Variants in SOX5 observed in about 807,000 individuals in gnomAD.
The protein encoded by SOX5 is transcription factor SOX-5.
A neutral mutation model predicts 92.0 loss-of-function variants in SOX5; 9 were observed. The observed-to-expected ratio is 0.10, with a 90% CI of 0.06 to 0.17. The LOEUF is 0.17. Among genes scored for constraint, SOX5 ranks in the 10% least tolerant of loss-of-function variants. The pLI, the probability that SOX5 is intolerant of heterozygous loss-of-function variation, is 1.00. For synonymous variants in SOX5, 344 were observed against 336.3 expected, an observed-to-expected ratio of 1.02 and a Z score of -0.25; for missense variants, 642 against 944.5, an observed-to-expected ratio of 0.68 and a Z score of 4.20.
At chr12:23,792,780 G>A (rs1313600118) in intron 3 of SOX5, among the ~76,000 whole-genome samples, 2 of 151,926 alleles carry the variant, frequency 1.3e-5, no homozygotes, top group Non-Finnish European at 2.9e-5. Flanking sequence ...CATCTGTTGT[G>A]GTATCTGTCT....
At chr12:23,574,035 T>C (rs556477546) in intron 10 of SOX5, among the ~76,000 whole-genome samples, 4 of 151,652 alleles carry the variant, frequency 2.6e-5, no homozygotes, top group African/African-American at 9.7e-5. Flanking sequence ...ATCTATCTAT[T>C]AGTATCTAAT....
At chr12:24,354,842 A>G (rs561060218) in intron 2 of SOX5, among the ~76,000 whole-genome samples, 97 of 152,252 alleles carry the variant, frequency 6.4e-4, no homozygotes, top group African/African-American at 2.1e-3. Context: ...TTTAATGATT[A>G]AATTTGTGCG....
intron 4 of SOX5, among the ~76,000 whole-genome samples, chr12:24,157,082 T>A (rs1314901684): frequency 6.6e-6 from 1 of 152,146 alleles, no homozygotes; most frequent in Non-Finnish European, 1.5e-5. Flanking sequence ...TTATCTTCAG[T>A]GTTTTCTTTC....
chr12:24,401,568 TGCATGGTG>T, intron 1 of SOX5, among the ~76,000 whole-genome samples: 1 of 151,282 alleles, frequency 6.6e-6, no homozygotes, highest in East Asian at 1.9e-4. Context: ...AAATTAACCT[TGCATGGTG>T]GCATATGCCT....
At chr12:24,519,132 C>T (rs573380846) in intron 1 of SOX5, among the ~76,000 whole-genome samples, 1 of 152,076 alleles carries the variant, frequency 6.6e-6, no homozygotes, top group Non-Finnish European at 1.5e-5. Flanking sequence ...AATTCTCTCT[C>T]ATTAAATCAT....
At chr12:24,076,699 CTTTTTTTTTTT>C (rs11302877) in intron 4 of SOX5, among the ~76,000 whole-genome samples, 4 of 102,882 alleles carry the variant, frequency 3.9e-5, no homozygotes, top group East Asian at 3.0e-4. Context: ...CCAAAGCTGC[CTTTTTTTTTTT>C]TTTTTTTTTT....
chr12:24,242,525 T>C (rs1965729176), intron 3 of SOX5, among the ~76,000 whole-genome samples: 1 of 152,208 alleles, frequency 6.6e-6, no homozygotes, highest in African/African-American at 2.4e-5. Context: ...TTCAACTTTC[T>C]AAATCAACCT....
chr12:23,815,910 A>G (rs1321209331), intron 3 of SOX5, among the ~76,000 whole-genome samples: 1 of 152,204 alleles, frequency 6.6e-6, no homozygotes, highest in Non-Finnish European at 1.5e-5. Context: ...TGCAGGCTGT[A>G]CTACTCAACC....
intron 4 of SOX5, among the ~76,000 whole-genome samples, chr12:24,140,075 T>A (rs555400749): frequency 6.6e-6 from 1 of 152,310 alleles, no homozygotes; most frequent in South Asian, 2.1e-4. Context: ...TTCACCCTGG[T>A]TGCGAAAACA....
chr12:23,584,918 AAC>A (rs1474368977), intron 9 of SOX5, among the ~76,000 whole-genome samples: 1 of 152,044 alleles, frequency 6.6e-6, no homozygotes, highest in Non-Finnish European at 1.5e-5. Flanking sequence ...TCAAATTTCA[AAC>A]AGTTTAAGAC....
At chr12:23,875,988 T>C (rs556874180) in intron 2 of SOX5, among the ~76,000 whole-genome samples, 1 of 152,346 alleles carries the variant, frequency 6.6e-6, no homozygotes, top group Non-Finnish European at 1.5e-5. Context: ...CTCTGTTCAA[T>C]AGAACTGTAT....
intron 2 of SOX5, among the ~76,000 whole-genome samples, chr12:24,330,101 C>T (rs561542884): frequency 2.6e-5 from 4 of 151,880 alleles, no homozygotes; most frequent in African/African-American, 4.8e-5. Flanking sequence ...TATATAACTC[C>T]CAAACCACAG....
At chr12:23,788,275 T>G (rs915904718) in intron 3 of SOX5, among the ~76,000 whole-genome samples, 9 of 151,976 alleles carry the variant, frequency 5.9e-5, no homozygotes, top group Non-Finnish European at 1.0e-4. Context: ...TTAGTACAAT[T>G]GCTAGGGCAT....
intron 1 of SOX5, among the ~76,000 whole-genome samples, chr12:24,517,897 T>A (rs1298802656): frequency 3.9e-5 from 6 of 152,178 alleles, no homozygotes; most frequent in African/African-American, 1.4e-4. Flanking sequence ...CAATTCCTAC[T>A]ATTTTCAAGT....
At chr12:24,207,488 AC>A (rs1219689729) in intron 4 of SOX5, among the ~76,000 whole-genome samples, 1 of 152,130 alleles carries the variant, frequency 6.6e-6, no homozygotes, top group Non-Finnish European at 1.5e-5. Context: ...TACACAAACA[AC>A]TTTTGATACT....
At chr12:23,879,619 G>A (rs2096965388) in intron 2 of SOX5, among the ~76,000 whole-genome samples, 1 of 152,108 alleles carries the variant, frequency 6.6e-6, no homozygotes, top group African/African-American at 2.4e-5. Context: ...ATTAATGTAT[G>A]TTTTCTTTTT....
In SOX5 at chr12:23,806,752, T is replaced by G. The variant is rs191836784; in HGVS notation, c.481+39231A>C. Among the ~76,000 whole-genome samples the G allele has an allele frequency of 2.1e-3, 313 of 151,306 alleles. 1 individual carries two copies. The highest frequency in any genetic ancestry group is 7.3e-3 in the African/African-American group (302 of 41,340). On this transcript the variant is annotated intron_variant, in intron 3 of 14. Transcript: ENST00000451604. The stretch of plus-strand genomic sequence containing the variant: ...TTGGAGAATAGAGCCACAGTCCCAG[T>G]AAGAATAGAATACAAGGTACAATGA...
intron 6 of SOX5, among the ~76,000 whole-genome samples, chr12:23,670,590 C>G (rs983769578): frequency 2.6e-5 from 4 of 151,884 alleles, no homozygotes; most frequent in African/African-American, 9.7e-5. Context: ...ATCCTCTGGG[C>G]CCTGAGGAAT....
intron 3 of SOX5, among the ~76,000 whole-genome samples, chr12:23,762,767 C>T (rs2094598607): frequency 6.6e-6 from 1 of 152,064 alleles, no homozygotes; most frequent in Non-Finnish European, 1.5e-5. Context: ...TTTTATATCA[C>T]ATTTTAGAAG....
Sources: gnomAD v4.1 joint callset for allele counts (sites outside exome capture counted in the v4.1 genomes callset) on GRCh38, gnomAD v4.1.1 for gene constraint, MANE v1.5 for transcripts, NCBI Gene and HGNC (gene_info 2026-07-23, HGNC 2026-07-21) for gene names.